The following PTGER3 variants were observed in gnomAD, a reference collection of about 807,000 sequenced individuals.
The protein encoded by PTGER3 is prostaglandin E2 receptor EP3 subtype.
Under a neutral mutation model 34.7 loss-of-function variants are expected in PTGER3, and 22 were observed. The ratio of observed to expected loss-of-function variants is 0.63; its 90% CI spans 0.45 to 0.91. The LOEUF (loss-of-function observed/expected upper bound fraction) is 0.91, where lower values mean the gene tolerates loss of function less well. Among genes scored for constraint, PTGER3 ranks in the 40% least tolerant of loss-of-function variants. The pLI is 0.00. For synonymous variants in PTGER3, 241 were observed against 230.1 expected (o/e 1.05, Z -0.43); for missense variants, 468 against 519.4 (o/e 0.90, Z 0.96).
At chr1:71,021,034 CA>C (rs908980480) in intron 1 of PTGER3, among the ~76,000 whole-genome samples, 19 of 149,904 alleles carry the variant, frequency 1.3e-4, no homozygotes, top group Middle Eastern at 3.5e-3. Context: ...CAGATGCTTC[CA>C]AAAAAAAATG....
chr1:70,914,221 G>T (rs1438551818), intron 4 of PTGER3, among the ~76,000 whole-genome samples: 1 of 151,882 alleles, frequency 6.6e-6, no homozygotes, highest in Non-Finnish European at 1.5e-5. Flanking sequence ...TCATGTGAAG[G>T]ATGAGTTGTG....
downstream of PTGER3, among the ~76,000 whole-genome samples, chr1:70,968,801 T>C (rs1652796190): frequency 6.6e-6 from 1 of 151,908 alleles, no homozygotes; most frequent in Non-Finnish European, 1.5e-5. Flanking sequence ...ACAAAGATAT[T>C]TCTCATTGTA....
intron 1 of PTGER3, among the ~76,000 whole-genome samples, chr1:71,040,012 G>C (rs1490060075): frequency 6.6e-6 from 1 of 151,184 alleles, no homozygotes; most frequent in Admixed American, 6.6e-5. Context: ...ACTGTGAAAT[G>C]AGCTGGGTAG....
At chr1:70,940,373 C>G (rs552543446) in intron 4 of PTGER3, among the ~76,000 whole-genome samples, 1 of 152,166 alleles carries the variant, frequency 6.6e-6, no homozygotes, top group African/African-American at 2.4e-5. Context: ...TTCCAATCTC[C>G]GCCTATTACC....
chr1:70,861,103 T>C (rs1472917608), intron 4 of PTGER3, among the ~76,000 whole-genome samples: 1 of 152,174 alleles, frequency 6.6e-6, no homozygotes, highest in Non-Finnish European at 1.5e-5. Flanking sequence ...ACTGGGCACC[T>C]GAGGGGCAGG....
chr1:70,931,123 T>C (rs1648646891), intron 4 of PTGER3, among the ~76,000 whole-genome samples: 1 of 152,176 alleles, frequency 6.6e-6, no homozygotes, highest in South Asian at 2.1e-4. Context: ...TCAGGGCCCA[T>C]GCAAGTCTGA....
In PTGER3 at chr1:70,903,319, G is replaced by A. The variant is rs1025660909; in HGVS notation, c.*23+50444C>T. ...TTTTGGGTAGTTTTAAGTCATCAAA[G>A]TTATGGTAATTTATTACAACAGCCC... On this transcript the variant is annotated intron_variant, in intron 4 of 4. Coordinates refer to the PTGER3 transcript ENST00000370931. Among the ~76,000 whole-genome samples the A allele has an allele frequency of 2.6e-5, 4 of 152,272 alleles. No homozygotes were observed. The South Asian group carries it at 6.2e-4, about 24-fold the overall frequency.
chr1:71,029,591 G>T (rs1659225482), intron 1 of PTGER3, among the ~76,000 whole-genome samples: 1 of 152,128 alleles, frequency 6.6e-6, no homozygotes, highest in Non-Finnish European at 1.5e-5. Context: ...AAGTATAAAG[G>T]TATGCACAGG....
chr1:70,971,859 C>T, intron 3 of PTGER3, 126 bp from the exon 4 acceptor site: 1 of 610,382 alleles, frequency 1.6e-6, no homozygotes, highest in Non-Finnish European at 2.7e-6. Context: ...TTAAAACATT[C>T]TCTTTTGAAG....
At chr1:70,915,067 T>C (rs17090678) in intron 4 of PTGER3, among the ~76,000 whole-genome samples, 4,357 of 152,020 alleles carry the variant, frequency 0.029, 235 homozygotes, top group African/African-American at 0.1. Context: ...TTAACCTCTT[T>C]GGGACTTCTT....
intron 1 of PTGER3, among the ~76,000 whole-genome samples, chr1:71,036,728 A>G (rs901143091): frequency 2.0e-5 from 3 of 150,962 alleles, no homozygotes; most frequent in Non-Finnish European, 4.4e-5. Context: ...AGTCCCAGCT[A>G]TTGGGGAGGC....
chr1:70,868,444 T>G (rs1037070415), intron 4 of PTGER3, among the ~76,000 whole-genome samples: 3 of 152,214 alleles, frequency 2.0e-5, no homozygotes, highest in African/African-American at 7.2e-5. Context: ...TGTCTGTTTA[T>G]TATTTACAAG....
intron 2 of PTGER3, among the ~76,000 whole-genome samples, chr1:70,954,003 G>A (rs1316876887): frequency 6.6e-6 from 1 of 152,024 alleles, no homozygotes; most frequent in South Asian, 2.1e-4. Context: ...CATCCCCTCG[G>A]TTCTGCCTAC....
intron 1 of PTGER3, among the ~76,000 whole-genome samples, chr1:71,036,178 A>T (rs945763684): frequency 2.6e-5 from 4 of 152,126 alleles, no homozygotes; most frequent in African/African-American, 9.7e-5. Context: ...CCCACACAAC[A>T]CTCTGTGGTC....
At chr1:70,936,683 C>T (rs762277717) in intron 4 of PTGER3, among the ~76,000 whole-genome samples, 6 of 152,220 alleles carry the variant, frequency 3.9e-5, no homozygotes, top group African/African-American at 1.4e-4. Context: ...GACTATGTAA[C>T]ACAAGAGAAC....
intron 4 of PTGER3, among the ~76,000 whole-genome samples, chr1:70,901,262 C>G (rs1306146391): frequency 6.6e-6 from 1 of 152,090 alleles, no homozygotes; most frequent in Non-Finnish European, 1.5e-5. Context: ...CCTAAATTCG[C>G]AGAGTGGGAC....
chr1:70,912,593 G>A (rs1647084206), intron 4 of PTGER3, among the ~76,000 whole-genome samples: 2 of 152,062 alleles, frequency 1.3e-5, no homozygotes, highest in African/African-American at 4.8e-5. Flanking sequence ...AGAGCTGCAA[G>A]ATTGAAAAAG....
chr1:70,916,694 T>G (rs556204753), intron 4 of PTGER3, among the ~76,000 whole-genome samples: 1 of 152,014 alleles, frequency 6.6e-6, no homozygotes, highest in South Asian at 2.1e-4. Flanking sequence ...CGGACATAAA[T>G]GTGGGAACAA....
intron 4 of PTGER3, among the ~76,000 whole-genome samples, chr1:70,944,004 T>C (rs1254897695): frequency 3.3e-5 from 5 of 152,162 alleles, no homozygotes; most frequent in Non-Finnish European, 7.4e-5. Flanking sequence ...AATGAATTTC[T>C]GTCATTTGCA....
Sources: gnomAD v4.1 joint callset for allele counts (sites outside exome capture counted in the v4.1 genomes callset) on GRCh38, gnomAD v4.1.1 for gene constraint, MANE v1.5 for transcripts, NCBI Gene and HGNC (gene_info 2026-07-23, HGNC 2026-07-21) for gene names.